Variants in HHAT observed in about 807,000 individuals in gnomAD.
HHAT encodes the protein protein-cysteine N-palmitoyltransferase HHAT.
Under a neutral mutation model 70.8 loss-of-function variants are expected in HHAT, and 47 were observed. The ratio of observed to expected loss-of-function variants is 0.66; its 90% CI spans 0.53 to 0.85. The LOEUF is 0.85. Among genes scored for constraint, HHAT ranks in the 40% least tolerant of loss-of-function variants. The probability of loss-of-function intolerance (pLI) is 0.00; values close to 1 mark genes in which losing one functional copy is unlikely to be tolerated. For synonymous variants in HHAT, 228 were observed against 247.6 expected, an observed-to-expected ratio of 0.92 and a Z score of 0.74; for missense variants, 609 against 604.8, an observed-to-expected ratio of 1.01 and a Z score of -0.07.
intron 11 of HHAT, among the ~76,000 whole-genome samples, chr1:210,668,722 C>T (rs1350033465): frequency 6.6e-6 from 1 of 152,150 alleles, no homozygotes; most frequent in Non-Finnish European, 1.5e-5. Context: ...GGAGGTGCCT[C>T]CATACTGTTT....
At chr1:210,630,996 G>A (rs1322273077) in intron 11 of HHAT, 2 of 449,718 alleles carry the variant, frequency 4.4e-6, no homozygotes, top group African/African-American at 2.0e-5. Flanking sequence ...TTCTGTTACA[G>A]GAGGTTTATT....
intron 9 of HHAT, among the ~76,000 whole-genome samples, chr1:210,546,180 G>A (rs1304457618): frequency 6.6e-6 from 1 of 152,146 alleles, no homozygotes; most frequent in African/African-American, 2.4e-5. Flanking sequence ...TACATGCCAG[G>A]CAACACACTG....
At chr1:210,374,124 C>G (rs193197357) in intron 3 of HHAT, 1 of 107,496 alleles carries the variant, frequency 9.3e-6, no homozygotes, top group Non-Finnish European at 2.2e-5. Flanking sequence ...TAATGTTTTC[C>G]TCTTTAAGTC....
chr1:210,450,575 G>T (rs2093732293), intron 7 of HHAT, among the ~76,000 whole-genome samples: 2 of 149,732 alleles, frequency 1.3e-5, no homozygotes, highest in Admixed American at 1.3e-4. Context: ...ACCGCACCTG[G>T]CCATATCTTT....
At chr1:210,339,692 G>A (rs2085833445) in intron 1 of HHAT, among the ~76,000 whole-genome samples, 1 of 152,208 alleles carries the variant, frequency 6.6e-6, no homozygotes, top group South Asian at 2.1e-4. Context: ...CAGCCCCAGT[G>A]GAGTTGTGTG....
chr1:210,406,610 T>C (rs904090270), intron 6 of HHAT, among the ~76,000 whole-genome samples: 1 of 152,154 alleles, frequency 6.6e-6, no homozygotes, highest in Non-Finnish European at 1.5e-5. Flanking sequence ...CCCAGGCTTG[T>C]CTCTAACTCC....
chr1:210,489,187 G>A (rs368550837), intron 8 of HHAT, among the ~76,000 whole-genome samples: 38 of 152,308 alleles, frequency 2.5e-4, no homozygotes, highest in African/African-American at 8.7e-4. Flanking sequence ...TGCAGTGCAA[G>A]TTATTTCTTT....
chr1:210,439,161 G>C (rs2093446956), intron 7 of HHAT, among the ~76,000 whole-genome samples: 1 of 151,816 alleles, frequency 6.6e-6, no homozygotes, highest in Non-Finnish European at 1.5e-5. Flanking sequence ...ACAGAGAATG[G>C]CCTTGGCAAC....
chr1:210,486,201 G>C (rs771339829), intron 8 of HHAT, among the ~76,000 whole-genome samples: 1 of 152,066 alleles, frequency 6.6e-6, no homozygotes, highest in Non-Finnish European at 1.5e-5. Context: ...TTTGATAGAA[G>C]TGTAATCAGG....
chr1:210,614,415 A>G (rs921461479), intron 10 of HHAT, among the ~76,000 whole-genome samples: 1 of 151,946 alleles, frequency 6.6e-6, no homozygotes, highest in African/African-American at 2.4e-5. Context: ...AATTTTTTAA[A>G]TATATATTTA....
At chr1:210,358,213 G>C (rs2087860475) in intron 2 of HHAT, among the ~76,000 whole-genome samples, 1 of 152,190 alleles carries the variant, frequency 6.6e-6, no homozygotes, top group Admixed American at 6.5e-5. Context: ...CTCTTGGCTT[G>C]AGAGTTTCCA....
chr1:210,384,142 A>G (rs2090867345), intron 3 of HHAT, among the ~76,000 whole-genome samples: 2 of 152,190 alleles, frequency 1.3e-5, no homozygotes, highest in Admixed American at 6.5e-5. Flanking sequence ...TAGAGTTACT[A>G]TTTAAGAAAC....
chr1:210,404,816 G>A, intron 6 of HHAT, 137 bp downstream of exon 6: 2 of 632,504 alleles, frequency 3.2e-6, no homozygotes, highest in Non-Finnish European at 5.4e-6. Flanking sequence ...GTTCTCATGA[G>A]GTTTTTTGTA....
At chr1:210,368,237 G>A (rs1350632282) in intron 3 of HHAT, among the ~76,000 whole-genome samples, 1 of 152,154 alleles carries the variant, frequency 6.6e-6, no homozygotes, top group East Asian at 1.9e-4. Flanking sequence ...AAGAGCACAG[G>A]TTTGGAGTTG....
chr1:210,419,265 C>T (rs1432850680), intron 7 of HHAT, among the ~76,000 whole-genome samples: 1 of 152,152 alleles, frequency 6.6e-6, no homozygotes, highest in Non-Finnish European at 1.5e-5. Context: ...GTGTATTTCC[C>T]TCTGTAGATC....
At chr1:210,516,830 T>G (rs2148593763) in intron 9 of HHAT, among the ~76,000 whole-genome samples, 1 of 152,346 alleles carries the variant, frequency 6.6e-6, no homozygotes, top group South Asian at 2.1e-4. Flanking sequence ...TGACGTAAAT[T>G]TCCACAAAGC....
At chr1:210,333,035 G>A (rs888663836) in intron 1 of HHAT, among the ~76,000 whole-genome samples, 2 of 152,190 alleles carry the variant, frequency 1.3e-5, no homozygotes, top group African/African-American at 2.4e-5. Flanking sequence ...GTAAATAATG[G>A]GCGGGCCATG....
In HHAT at chr1:210,386,351, G is replaced by A. The variant is rs2091071546; in HGVS notation, c.160-1117G>A. ...CCTCCCGGGTTCACGCCATTCTCCT[G>A]CCTCAGCCTCCCAAGTAGCTGGGAC... is the stretch of plus-strand genomic sequence containing the variant. On this transcript the variant is annotated intron_variant, in intron 3 of 11. Coordinates refer to ENST00000261458, the MANE Select transcript of HHAT (RefSeq NM_018194.6). 2.8e-5 allele frequency among the ~76,000 whole-genome samples: 4 copies of A among 141,920 alleles called. No individual in the cohort carries two copies. The South Asian group carries it at 9.1e-4, about 32-fold the overall frequency. The allele number at this position is 141,920 out of a possible 152,430, so 93.1% of individuals were successfully genotyped here.
intron 9 of HHAT, among the ~76,000 whole-genome samples, chr1:210,550,305 A>G (rs1011006124): frequency 2.7e-5 from 4 of 149,320 alleles, no homozygotes; most frequent in Non-Finnish European, 4.4e-5. Flanking sequence ...ATGTACATCC[A>G]AAAGCACATG....
Sources: gnomAD v4.1 joint callset for allele counts (sites outside exome capture counted in the v4.1 genomes callset) on GRCh38, gnomAD v4.1.1 for gene constraint, MANE v1.5 for transcripts, NCBI Gene and HGNC (gene_info 2026-07-23, HGNC 2026-07-21) for gene names.